Variants in RALYL observed in about 807,000 individuals in gnomAD.
The protein encoded by RALYL is RNA-binding Raly-like protein.
Under a neutral mutation model 35.1 loss-of-function variants are expected in RALYL, and 29 were observed. The observed-to-expected ratio is 0.83, with a 90% CI of 0.61 to 1.13. The LOEUF (loss-of-function observed/expected upper bound fraction) is 1.13. Among genes scored for constraint, RALYL ranks in the 50% most tolerant of loss-of-function variants. The pLI, the probability that RALYL is intolerant of heterozygous loss-of-function variation, is 0.00. For missense variants in RALYL, 359 were observed against 360.4 expected, an observed-to-expected ratio of 1.00 and a Z score of 0.03; for synonymous variants, 120 against 127.6, an observed-to-expected ratio of 0.94 and a Z score of 0.40.
At chr8:84,652,334 C>A (rs181056681) in intron 2 of RALYL, among the ~76,000 whole-genome samples, 1 of 151,976 alleles carries the variant, frequency 6.6e-6, no homozygotes, top group Non-Finnish European at 1.5e-5. Context: ...TCCATCACTT[C>A]GATTGGTATG....
At chr8:84,473,645 A>G (rs1050716185) in intron 1 of RALYL, among the ~76,000 whole-genome samples, 1 of 151,792 alleles carries the variant, frequency 6.6e-6, no homozygotes, top group African/African-American at 2.4e-5. Context: ...GTATGTATGG[A>G]ACATTTTTGG....
rs373342044 is a variant in RALYL, at chr8:84,301,307, T to A, written c.-24+116883T>A. On this transcript the variant is annotated intron_variant, in intron 1 of 8. Transcript: ENST00000521268. ...ACCTGACCCTTCTTTCTAGCTGCCTTAAAAAAAATTTTTTTTTACATGTTG... is the reference window on the plus strand; with the variant it reads ...ACCTGACCCTTCTTTCTAGCTGCCTAAAAAAAAATTTTTTTTTACATGTTG... Among the ~76,000 whole-genome samples, 109 of 152,042 alleles carry A rather than the reference T, an allele frequency of 7.2e-4. 4 individuals are homozygous for A. The South Asian group carries it at 0.022, about 30-fold the overall frequency.
chr8:84,546,355 A>G (rs1209841225), intron 2 of RALYL, among the ~76,000 whole-genome samples: 2 of 152,216 alleles, frequency 1.3e-5, no homozygotes, highest in African/African-American at 2.4e-5. Context: ...GCTAGGCTCA[A>G]CTGATCTGCC....
Position 84,442,818 on chromosome 8 carries a change from T to C in RALYL, c.-23-86481T>C, listed in dbSNP as rs117406696. 2.7e-3 allele frequency among the ~76,000 whole-genome samples: 414 copies of C among 152,240 alleles called. 2 individuals are homozygous for C. The highest frequency in any genetic ancestry group is 3.4e-3 in the Non-Finnish European group (231 of 67,992). ...CATGCTACAGACGTACCAATCTACC[T>C]GCCACTTACCGAGTGACAGCCAGCA... On this transcript the variant is annotated intron_variant, in intron 1 of 8. Coordinates refer to ENST00000521268, the MANE Select transcript of RALYL (RefSeq NM_173848.7).
At chr8:84,638,056 A>G (rs1363481464) in intron 2 of RALYL, among the ~76,000 whole-genome samples, 2 of 151,956 alleles carry the variant, frequency 1.3e-5, no homozygotes, top group East Asian at 3.9e-4. Context: ...ACCATATGAC[A>G]GGCCACAAAA....
intron 2 of RALYL, among the ~76,000 whole-genome samples, chr8:84,642,850 C>A (rs1220732078): frequency 6.6e-6 from 1 of 151,976 alleles, no homozygotes; most frequent in Non-Finnish European, 1.5e-5. Context: ...AGGGTCAGTA[C>A]CCCCCACCAT....
chr8:84,299,089 T>G (rs955357682), intron 1 of RALYL, among the ~76,000 whole-genome samples: 11 of 152,090 alleles, frequency 7.2e-5, no homozygotes, highest in African/African-American at 2.7e-4. Flanking sequence ...TGCAGTACTA[T>G]GTTGAATAGG....
rs567925831 is a variant in RALYL at position 84,697,386 on chromosome 8, T to A, written c.257-77193T>A. Among the ~76,000 whole-genome samples the A allele has an allele frequency of 1.6e-4, 24 of 152,170 alleles. No homozygotes were observed. The South Asian group carries it at 1.7e-3, about 11-fold the overall frequency. ...TTGGTTATGTGTGTGTATGGGCACC[T>A]AATTTTCTGACATAATGTTATCTCT... On this transcript the variant is annotated intron_variant, in intron 2 of 8. Coordinates refer to ENST00000521268, the MANE Select transcript of RALYL (RefSeq NM_173848.7).
chr8:84,420,202 C>A (rs915207243), intron 1 of RALYL, among the ~76,000 whole-genome samples: 8 of 152,030 alleles, frequency 5.3e-5, no homozygotes, highest in Admixed American at 2.0e-4. Flanking sequence ...TCCTCTCCAG[C>A]ACCTGTTGTT....
chr8:84,756,313 T>C (rs964812331), intron 2 of RALYL, among the ~76,000 whole-genome samples: 1 of 152,138 alleles, frequency 6.6e-6, no homozygotes, highest in Admixed American at 6.6e-5. Context: ...AATTTCTTCA[T>C]AGATGGCCAT....
intron 1 of RALYL, among the ~76,000 whole-genome samples, chr8:84,246,271 C>T (rs1829073544): frequency 6.6e-6 from 1 of 152,084 alleles, no homozygotes; most frequent in Non-Finnish European, 1.5e-5. Context: ...TAAATATCTA[C>T]TTTGTGTCAG....
intron 1 of RALYL, among the ~76,000 whole-genome samples, chr8:84,253,972 T>G (rs1024951947): frequency 3.2e-4 from 48 of 152,192 alleles, no homozygotes; most frequent in African/African-American, 1.2e-3. Flanking sequence ...AAATATTATT[T>G]CTCATATTTT....
At chr8:84,317,602 T>A (rs1355586639) in intron 1 of RALYL, among the ~76,000 whole-genome samples, 1 of 152,228 alleles carries the variant, frequency 6.6e-6, no homozygotes, top group Non-Finnish European at 1.5e-5. Flanking sequence ...AGAGGGAATG[T>A]GTTTGCCATG....
intron 4 of RALYL, among the ~76,000 whole-genome samples, chr8:84,826,292 GAAAA>G (rs1169764529): frequency 6.2e-4 from 41 of 66,004 alleles, no homozygotes; most frequent in Middle Eastern, 8.5e-3. Flanking sequence ...CCCTGAATCT[GAAAA>G]AAAAAAAAAA....
At chr8:84,636,936 G>T (rs1825189362) in intron 2 of RALYL, among the ~76,000 whole-genome samples, 1 of 151,802 alleles carries the variant, frequency 6.6e-6, no homozygotes. Context: ...TGGAATAGCT[G>T]TTTATGTTGA....
chr8:84,232,851 A>G (rs1406365449), intron 1 of RALYL, among the ~76,000 whole-genome samples: 4 of 152,200 alleles, frequency 2.6e-5, no homozygotes, highest in Admixed American at 1.3e-4. Flanking sequence ...TAATGATGTC[A>G]TATTTTAATA....
At position 84,227,115 on chromosome 8, in the gene RALYL, CA is replaced by C. The variant is rs201930355; in HGVS notation, c.-24+42693del. Among the ~76,000 whole-genome samples the C allele has an allele frequency of 5.1e-3, 638 of 123,990 alleles. 5 individuals carry two copies. Among genetic ancestry groups the C allele is most frequent in the African/African-American group, 0.019 (610 of 31,510 alleles). 81.3% of individuals were successfully genotyped at this position (123,990 alleles called of 152,430 possible). ...TCACTCTGTGGCCTAGACTGGAGTG[CA>C]ATGGCATGATTTCATCTCACTGAAA... On this transcript the variant is annotated intron_variant, in intron 1 of 8. Coordinates refer to ENST00000521268, the MANE Select transcript of RALYL (RefSeq NM_173848.7).
rs183700817 is a variant in RALYL, at chr8:84,411,271, G to T, written c.-23-118028G>T. On this transcript the variant is annotated intron_variant, in intron 1 of 8. Transcript: ENST00000521268. ...TCACTGGACAAAATAATAACATCTTGCTGATGGGGTCCACTACCCATGACA... is the reference window on the plus strand; with the variant it reads ...TCACTGGACAAAATAATAACATCTTTCTGATGGGGTCCACTACCCATGACA... 2.2e-3 allele frequency among the ~76,000 whole-genome samples: 327 copies of T among 151,880 alleles called. 1 individual carries two copies. Among genetic ancestry groups the T allele is most frequent in the Non-Finnish European group, 3.3e-3 (223 of 67,774 alleles).
chr8:84,624,926 T>C (rs1052736847), intron 2 of RALYL, among the ~76,000 whole-genome samples: 39 of 152,304 alleles, frequency 2.6e-4, no homozygotes, highest in African/African-American at 8.2e-4. Context: ...ACATAAGTCA[T>C]ACTGACATCA....
Sources: gnomAD v4.1 joint callset for allele counts (sites outside exome capture counted in the v4.1 genomes callset) on GRCh38, gnomAD v4.1.1 for gene constraint, MANE v1.5 for transcripts, NCBI Gene and HGNC (gene_info 2026-07-23, HGNC 2026-07-21) for gene names.